FNTB: variants seen among roughly 807,000 people sequenced by gnomAD.
FNTB encodes the protein protein farnesyltransferase subunit beta.
A neutral mutation model predicts 59.4 loss-of-function variants in FNTB; 27 were observed. That is an observed-to-expected ratio of 0.45 (90% CI 0.34 to 0.63). FNTB has a LOEUF of 0.63. FNTB is among the 20% of genes least tolerant of loss of function. The pLI is 0.02. For synonymous variants in FNTB, 230 were observed against 220.7 expected (o/e 1.04, Z -0.37); for missense variants, 449 against 559.6 (o/e 0.80, Z 1.99).
At chr14:65,035,387 T>A (rs1455685139) in intron 7 of FNTB, among the ~76,000 whole-genome samples, 1 of 152,214 alleles carries the variant, frequency 6.6e-6, no homozygotes, top group African/African-American at 2.4e-5. Flanking sequence ...TTTTTTGTAT[T>A]TTGTTCAGTG....
intron 2 of FNTB, among the ~76,000 whole-genome samples, 153 bp downstream of exon 2, chr14:65,004,466 C>T (rs796392425): frequency 1.3e-5 from 2 of 152,102 alleles, no homozygotes; most frequent in Non-Finnish European, 2.9e-5. Context: ...TGCTAAGACC[C>T]CCACTCCTCC....
intron 2 of FNTB, among the ~76,000 whole-genome samples, chr14:65,010,885 C>G (rs532843176): frequency 1.3e-5 from 2 of 152,142 alleles, no homozygotes; most frequent in Non-Finnish European, 2.9e-5. Flanking sequence ...AGTAGAGTAG[C>G]CATTAGCCAC....
At chr14:65,019,095 CCCGGG>C (rs2061837350) in intron 4 of FNTB, among the ~76,000 whole-genome samples, 8 of 152,128 alleles carry the variant, frequency 5.3e-5, no homozygotes, top group Admixed American at 4.6e-4. Context: ...CTCGCTTGAA[CCCGGG>C]AGGCGGAGGT....
chr14:65,017,741 AG>A (rs1286388084), intron 4 of FNTB, among the ~76,000 whole-genome samples: 1 of 152,006 alleles, frequency 6.6e-6, no homozygotes. Flanking sequence ...GGATCACTTG[AG>A]GTCAGGAGTT....
chr14:65,036,262 G>A (rs1036081525), intron 7 of FNTB, among the ~76,000 whole-genome samples: 2 of 150,552 alleles, frequency 1.3e-5, no homozygotes, highest in African/African-American at 4.9e-5. Flanking sequence ...TTTGAAAGAG[G>A]GTCTCACTTC....
Position 64,986,898 on chromosome 14 carries a change from G to C in FNTB, c.-56G>C. 1 of 1,602,940 alleles carries C rather than the reference G, an allele frequency of 6.2e-7. No individual in the cohort carries two copies. The highest frequency in any genetic ancestry group is 8.5e-7 in the Non-Finnish European group (1 of 1,170,316). Reference sequence around the variant, plus strand: ...CGCTTTAGCCCGCTCGAGTTTCAATGCGCGTTGTTGCTTAACGAAGCAGAG... The same window carrying C: ...CGCTTTAGCCCGCTCGAGTTTCAATCCGCGTTGTTGCTTAACGAAGCAGAG... On this transcript the variant is annotated 5_prime_UTR_variant, in exon 1 of 12. It removes an upstream start codon present in the reference 5' UTR. Coordinates refer to ENST00000246166, the MANE Select transcript of FNTB (RefSeq NM_002028.4).
At position 65,000,815 on chromosome 14, in the gene FNTB, CAAAAAAAA is replaced by C. The variant is rs59420832; in HGVS notation, c.145-3415_145-3408del. 1.5e-3 allele frequency among the ~76,000 whole-genome samples: 55 copies of C among 36,480 alleles called. 2 individuals are homozygous for C. Among genetic ancestry groups the C allele is most frequent in the Admixed American group, 6.0e-3 (22 of 3,658 alleles). 23.9% of individuals were successfully genotyped at this position (36,480 alleles called of 152,430 possible). A position where few individuals can be genotyped will look rare whatever the true frequency, so the allele number is the denominator to read the frequency against. On this transcript the variant is annotated intron_variant, in intron 1 of 11. Transcript: ENST00000246166. ...AGCCTGGCAGAGCCAGACTCCGTCT[CAAAAAAAA>C]AAAAAAAAAAAAAAAAAAGAATAGT...
At chr14:65,043,267 G>A (rs548665315) in intron 8 of FNTB, among the ~76,000 whole-genome samples, 1 of 152,242 alleles carries the variant, frequency 6.6e-6, no homozygotes, top group Non-Finnish European at 1.5e-5. Flanking sequence ...CTTTGTAGTA[G>A]AGTGTGTTTA....
chr14:64,995,664 A>G (rs559827437), intron 1 of FNTB, among the ~76,000 whole-genome samples: 49 of 150,962 alleles, frequency 3.2e-4, no homozygotes, highest in Admixed American at 2.1e-3. Flanking sequence ...ATAAGTTGAT[A>G]CATACTTAGT....
intron 1 of FNTB, among the ~76,000 whole-genome samples, chr14:64,992,687 C>T (rs966680109): frequency 1.3e-5 from 2 of 151,656 alleles, no homozygotes; most frequent in East Asian, 3.9e-4. Flanking sequence ...GATGCAATCA[C>T]CACTCACTGT....
At chr14:65,006,845 A>T (rs72728238) in intron 2 of FNTB, among the ~76,000 whole-genome samples, 13,685 of 152,258 alleles carry the variant, frequency 0.09, 855 homozygotes, top group Admixed American at 0.16. Context: ...ATGGGAGGTT[A>T]TAGTCTGGGA....
chr14:65,043,182 G>C (rs1256326488), intron 8 of FNTB, among the ~76,000 whole-genome samples: 1 of 152,178 alleles, frequency 6.6e-6, no homozygotes, highest in African/African-American at 2.4e-5. Context: ...TCTAGGGAGG[G>C]AAATGGAAAT....
chr14:65,007,869 C>T lies in FNTB; in HGVS notation c.209+3556C>T, dbSNP rs1161163288. 1.3e-5 allele frequency among the ~76,000 whole-genome samples: 2 copies of T among 152,146 alleles called. No homozygotes were observed. Among genetic ancestry groups the T allele is most frequent in the African/African-American group, 4.8e-5 (2 of 41,432 alleles). On this transcript the variant is annotated intron_variant, in intron 2 of 11. Transcript: ENST00000246166. The surrounding 1 kb of genome is among the most constrained non-coding windows in gnomAD (Gnocchi z 4.9). ...TCTCCTGGGCAAGGAGACGGGTGCTCCTCAGAAGTGAGAAATATTGATAAT... is the reference window on the plus strand; with the variant it reads ...TCTCCTGGGCAAGGAGACGGGTGCTTCTCAGAAGTGAGAAATATTGATAAT...
chr14:65,033,548 C>T (rs1447606236), intron 7 of FNTB, among the ~76,000 whole-genome samples: 3 of 152,106 alleles, frequency 2.0e-5, no homozygotes, highest in African/African-American at 7.2e-5. Flanking sequence ...CCTGGATGCT[C>T]CAAATATTTC....
At chr14:65,005,548 C>T (rs201314390) in intron 2 of FNTB, among the ~76,000 whole-genome samples, 1 of 146,998 alleles carries the variant, frequency 6.8e-6, no homozygotes, top group Admixed American at 7.0e-5. Flanking sequence ...TTTCTCTCCT[C>T]TCTCTTTCTC....
intron 4 of FNTB, among the ~76,000 whole-genome samples, chr14:65,025,651 T>TA (rs2061966699): frequency 1.3e-5 from 2 of 151,926 alleles, no homozygotes; most frequent in South Asian, 4.2e-4. Context: ...CCCATCTTTA[T>TA]AAAAAATACA....
At chr14:65,024,444 T>C (rs2061944043) in intron 4 of FNTB, among the ~76,000 whole-genome samples, 1 of 152,216 alleles carries the variant, frequency 6.6e-6, no homozygotes, top group Admixed American at 6.5e-5. Flanking sequence ...AGGCCCAGGA[T>C]CTTTTCCACC....
At chr14:65,017,141 T>G (rs1434849653) in intron 4 of FNTB, among the ~76,000 whole-genome samples, 1 of 152,102 alleles carries the variant, frequency 6.6e-6, no homozygotes, top group African/African-American at 2.4e-5. Context: ...CAGGCTGGTC[T>G]TGAACTCCTG....
intron 7 of FNTB, among the ~76,000 whole-genome samples, chr14:65,037,741 A>ATTTATTAT (rs372196330): frequency 5.2e-4 from 69 of 132,694 alleles, no homozygotes; most frequent in Non-Finnish European, 7.9e-4. Flanking sequence ...TTATTTATTT[A>ATTTATTAT]TTATTTATTT....
Sources: gnomAD v4.1 joint callset for allele counts (sites outside exome capture counted in the v4.1 genomes callset) on GRCh38, gnomAD v4.1.1 for gene constraint, Gnocchi (gnomAD v3.1) non-coding constraint, MANE v1.5 for transcripts, NCBI Gene and HGNC (gene_info 2026-07-23, HGNC 2026-07-21) for gene names.